The following GSG1L variants were observed in gnomAD, a reference collection of about 807,000 sequenced individuals.
The protein encoded by GSG1L is GSG1 like.
Under a neutral mutation model 42.1 loss-of-function variants are expected in GSG1L, and 24 were observed. The ratio of observed to expected loss-of-function variants is 0.57; its 90% CI spans 0.41 to 0.80. The LOEUF (loss-of-function observed/expected upper bound fraction) is 0.80, where lower values mean the gene tolerates loss of function less well. Ranked by LOEUF, GSG1L falls within the 30% of genes least tolerant of loss-of-function variation. The probability of loss-of-function intolerance (pLI) is 0.00; values close to 1 mark genes in which losing one functional copy is unlikely to be tolerated. For synonymous variants in GSG1L, 215 were observed against 203.5 expected, an observed-to-expected ratio of 1.06 and a Z score of -0.48; for missense variants, 445 against 472.2, an observed-to-expected ratio of 0.94 and a Z score of 0.53.
At chr16:28,044,203 C>T in intron 1 of GSG1L, among the ~76,000 whole-genome samples, 1 of 151,640 alleles carries the variant, frequency 6.6e-6, no homozygotes, top group Non-Finnish European at 1.5e-5. Flanking sequence ...ATGGTACAAC[C>T]CCATCTCTAC....
chr16:27,891,687 G>A (rs2084128082), intron 2 of GSG1L, among the ~76,000 whole-genome samples: 1 of 151,644 alleles, frequency 6.6e-6, no homozygotes, highest in Admixed American at 6.6e-5. Context: ...TGCTCAGGCT[G>A]GTCTGAAACT....
rs545019782 is a variant in GSG1L at position 27,962,259 on chromosome 16, T to C, written c.397+897A>G. On this transcript the variant is annotated intron_variant, in intron 2 of 6. Coordinates refer to ENST00000447459, the MANE Select transcript of GSG1L (RefSeq NM_001109763.2). ...AGGATAAAGACCACATTTCCCAGCC[T>C]CCCTTCTAGCTGGGTGTGACCATGT... 3.3e-5 allele frequency among the ~76,000 whole-genome samples: 5 copies of C among 152,308 alleles called. No individual in the cohort carries two copies. In the South Asian group the frequency reaches 1.0e-3, roughly 32 times the overall value.
chr16:27,939,130 T>G (rs1270023322), intron 2 of GSG1L, among the ~76,000 whole-genome samples: 1 of 152,120 alleles, frequency 6.6e-6, no homozygotes, highest in Non-Finnish European at 1.5e-5. Flanking sequence ...GAATTTTTTT[T>G]TTTCTTTTTG....
Position 27,919,064 on chromosome 16 carries a change from C to G in GSG1L, c.398-34426G>C, listed in dbSNP as rs527652234. On this transcript the variant is annotated intron_variant, in intron 2 of 6. Coordinates refer to ENST00000447459, the MANE Select transcript of GSG1L (RefSeq NM_001109763.2). ...GGATGAAGGATTAAAGCTTTCCATT[C>G]TCCTTAAACTTGTCTGATTCCATCA... Among the ~76,000 whole-genome samples the G allele has an allele frequency of 2.6e-5, 4 of 152,340 alleles. No individual in the cohort carries two copies. The South Asian group carries it at 8.3e-4, about 32-fold the overall frequency.
At chr16:27,821,792 TACTC>T (rs933705511) in intron 5 of GSG1L, among the ~76,000 whole-genome samples, 3 of 152,090 alleles carry the variant, frequency 2.0e-5, no homozygotes, top group Non-Finnish European at 4.4e-5. Flanking sequence ...TAGTCCCAGT[TACTC>T]AGGAGGCTGA....
intron 2 of GSG1L, among the ~76,000 whole-genome samples, chr16:27,888,720 C>A (rs2084085541): frequency 6.6e-6 from 1 of 151,630 alleles, no homozygotes; most frequent in Non-Finnish European, 1.5e-5. Flanking sequence ...CAGGTTCAAG[C>A]AATTCTCCTG....
At chr16:27,824,915 T>C (rs1444615713) in intron 5 of GSG1L, among the ~76,000 whole-genome samples, 1 of 152,222 alleles carries the variant, frequency 6.6e-6, no homozygotes, top group Non-Finnish European at 1.5e-5. Flanking sequence ...TGCTTATGTG[T>C]CTATTGCAAA....
At chr16:28,012,126 C>T (rs779650087) in intron 1 of GSG1L, among the ~76,000 whole-genome samples, 1 of 152,268 alleles carries the variant, frequency 6.6e-6, no homozygotes, top group South Asian at 2.1e-4. Context: ...CATACTCCCA[C>T]GCAGTCGCTA....
intron 5 of GSG1L, among the ~76,000 whole-genome samples, chr16:27,822,700 G>C (rs1596535295): frequency 6.6e-6 from 1 of 152,124 alleles, no homozygotes; most frequent in African/African-American, 2.4e-5. Context: ...CTACAGGCGT[G>C]AGCCACCGAG....
intron 3 of GSG1L, among the ~76,000 whole-genome samples, chr16:27,858,989 A>G (rs1252216520): frequency 6.6e-6 from 1 of 152,114 alleles, no homozygotes; most frequent in Non-Finnish European, 1.5e-5. Context: ...CCAGATGGAG[A>G]GAATGGTGAG....
At chr16:27,816,977 A>G (rs957311397) in intron 5 of GSG1L, among the ~76,000 whole-genome samples, 3 of 152,178 alleles carry the variant, frequency 2.0e-5, no homozygotes, top group African/African-American at 4.8e-5. Flanking sequence ...GCCATGTCAC[A>G]GTCACTGTCC....
intron 1 of GSG1L, among the ~76,000 whole-genome samples, chr16:28,026,450 G>A (rs2085902304): frequency 6.6e-6 from 1 of 152,198 alleles, no homozygotes; most frequent in Non-Finnish European, 1.5e-5. Context: ...AGCAGGATGG[G>A]ACTCGGGAAG....
chr16:27,872,396 G>T (rs1042977983), intron 3 of GSG1L, among the ~76,000 whole-genome samples: 1 of 152,152 alleles, frequency 6.6e-6, no homozygotes, highest in Non-Finnish European at 1.5e-5. Flanking sequence ...AGCCAAAATC[G>T]CCACTTACTA....
intron 4 of GSG1L, among the ~76,000 whole-genome samples, chr16:27,831,848 G>A (rs1453862497): frequency 2.0e-5 from 3 of 152,054 alleles, no homozygotes; most frequent in African/African-American, 7.2e-5. Context: ...CCAGCCCTAC[G>A]GTCTCTTTTC....
At chr16:27,865,633 G>A (rs575256416) in intron 3 of GSG1L, among the ~76,000 whole-genome samples, 1,689 of 140,848 alleles carry the variant, frequency 0.012, 75 homozygotes, top group African/African-American at 0.043. Flanking sequence ...ATATATGTGT[G>A]TATATATGTG....
chr16:27,963,265 C>G (rs371830609), intron 1 of GSG1L, 62 bp from the exon 2 acceptor site: 6 of 1,419,102 alleles, frequency 4.2e-6, no homozygotes, highest in Non-Finnish European at 6.0e-6. Flanking sequence ...CGAGGTTTGC[C>G]TGCTCCCATC....
Position 27,973,543 on chromosome 16 carries a change from G to A in GSG1L, c.350-10340C>T, listed in dbSNP as rs148152016. On this transcript the variant is annotated intron_variant, in intron 1 of 6. Transcript: ENST00000447459. ...GCGGGTCAGAGGAAACATGAGACACGGTCTTCTGCAGCCTAATTGGGGGAA... is the reference window on the plus strand; with the variant it reads ...GCGGGTCAGAGGAAACATGAGACACAGTCTTCTGCAGCCTAATTGGGGGAA... Among the ~76,000 whole-genome samples the A allele has an allele frequency of 1.8e-3, 271 of 150,272 alleles. 1 individual carries two copies. The highest frequency in any genetic ancestry group is 5.7e-3 in the African/African-American group (235 of 40,960).
At chr16:27,906,406 T>A (rs1404323483) in intron 2 of GSG1L, among the ~76,000 whole-genome samples, 2 of 152,194 alleles carry the variant, frequency 1.3e-5, no homozygotes, top group Non-Finnish European at 2.9e-5. Context: ...CAGGCTCCCT[T>A]GCTGTGTGAC....
intron 2 of GSG1L, among the ~76,000 whole-genome samples, chr16:27,891,584 C>T (rs541954099): frequency 1.3e-5 from 2 of 152,080 alleles, no homozygotes; most frequent in South Asian, 2.1e-4. Flanking sequence ...GCGATCCTAC[C>T]GCTTCATCTT....
Sources: gnomAD v4.1 joint callset for allele counts (sites outside exome capture counted in the v4.1 genomes callset) on GRCh38, gnomAD v4.1.1 for gene constraint, MANE v1.5 for transcripts, NCBI Gene and HGNC (gene_info 2026-07-23, HGNC 2026-07-21) for gene names.